SLX4IP: variants seen among roughly 807,000 people sequenced by gnomAD.
SLX4IP encodes SLX4 interacting protein.
In SLX4IP, 34 loss-of-function variants were observed where a neutral mutation model predicts 32.9. That is an observed-to-expected ratio of 1.03 (90% CI 0.79 to 1.38). The LOEUF (loss-of-function observed/expected upper bound fraction) is 1.38. Among genes scored for constraint, SLX4IP ranks in the 40% most tolerant of loss-of-function variants. The probability of loss-of-function intolerance (pLI) is 0.00; values close to 1 mark genes in which losing one functional copy is unlikely to be tolerated. For synonymous variants in SLX4IP, 172 were observed against 171.7 expected, an observed-to-expected ratio of 1.00 and a Z score of -0.01; for missense variants, 444 against 479.0, an observed-to-expected ratio of 0.93 and a Z score of 0.68.
intron 6 of SLX4IP, among the ~76,000 whole-genome samples, chr20:10,605,533 A>G (rs1322152641): frequency 5.9e-5 from 9 of 152,220 alleles, no homozygotes. Flanking sequence ...TCAGAAGGAA[A>G]GTCCAAAATC....
intron 1 of SLX4IP, among the ~76,000 whole-genome samples, chr20:10,439,847 C>T (rs2065146043): frequency 6.6e-6 from 1 of 152,156 alleles, no homozygotes; most frequent in Admixed American, 6.5e-5. Flanking sequence ...AAAGCCAACC[C>T]TATAATTTCA....
chr20:10,438,942 A>C (rs1341812619), intron 1 of SLX4IP, among the ~76,000 whole-genome samples: 1 of 151,188 alleles, frequency 6.6e-6, no homozygotes, highest in Non-Finnish European at 1.5e-5. Flanking sequence ...TCCTGGTCTC[A>C]AGCAATCCTG....
At chr20:10,479,612 G>C (rs1180006077) in intron 2 of SLX4IP, among the ~76,000 whole-genome samples, 2 of 131,582 alleles carry the variant, frequency 1.5e-5, no homozygotes, top group African/African-American at 5.7e-5. Context: ...GGCTCCCAAA[G>C]TCCTGGGATT....
At chr20:10,552,544 G>T (rs189576730) in intron 2 of SLX4IP, among the ~76,000 whole-genome samples, 99 of 152,224 alleles carry the variant, frequency 6.5e-4, no homozygotes, top group African/African-American at 2.4e-3. Context: ...GCTGCAGAGG[G>T]AGAGCCCCCT....
chr20:10,504,322 CCTGAAAATACAGGAAGAACCACCCT>C, intron 2 of SLX4IP, among the ~76,000 whole-genome samples: 1 of 152,090 alleles, frequency 6.6e-6, no homozygotes, highest in Non-Finnish European at 1.5e-5. Flanking sequence ...TAGAGAATGC[CCTGAAAATACAGGAAGAACCACCCT>C]CCTGCAGATG....
intron 2 of SLX4IP, among the ~76,000 whole-genome samples, chr20:10,550,334 C>T (rs934172503): frequency 3.0e-4 from 45 of 152,318 alleles, no homozygotes; most frequent in African/African-American, 1.0e-3. Context: ...TGTGGCTTCT[C>T]AGCGACAGAC....
At chr20:10,550,797 C>G (rs1286139883) in intron 2 of SLX4IP, among the ~76,000 whole-genome samples, 2 of 152,244 alleles carry the variant, frequency 1.3e-5, no homozygotes, top group African/African-American at 4.8e-5. Context: ...CTTCTGCACT[C>G]CTTTCCCTGT....
intron 2 of SLX4IP, among the ~76,000 whole-genome samples, chr20:10,493,098 CT>C (rs1430068158): frequency 6.6e-6 from 1 of 152,148 alleles, no homozygotes; most frequent in Non-Finnish European, 1.5e-5. Context: ...GCCACTGCCC[CT>C]GGTGGTATGT....
At chr20:10,600,044 A>AT (rs199815413) in intron 5 of SLX4IP, among the ~76,000 whole-genome samples, 3,496 of 151,218 alleles carry the variant, frequency 0.023, 103 homozygotes, top group African/African-American at 0.069. Flanking sequence ...CAATTTTATG[A>AT]TTTTTTTAGG....
At chr20:10,601,037 A>G (rs1337931991) in intron 5 of SLX4IP, among the ~76,000 whole-genome samples, 1 of 152,198 alleles carries the variant, frequency 6.6e-6, no homozygotes, top group Non-Finnish European at 1.5e-5. Context: ...CCTTCCTTTC[A>G]TTGAATGCCG....
At chr20:10,478,965 G>A (rs10485740) in intron 2 of SLX4IP, among the ~76,000 whole-genome samples, 4,630 of 152,306 alleles carry the variant, frequency 0.03, 197 homozygotes, top group African/African-American at 0.092. Flanking sequence ...AGAAAAAGGC[G>A]TATTACCTCT....
intron 2 of SLX4IP, among the ~76,000 whole-genome samples, chr20:10,548,205 A>G (rs1468958844): frequency 6.6e-6 from 1 of 151,988 alleles, no homozygotes; most frequent in Non-Finnish European, 1.5e-5. Flanking sequence ...GCACCAGGAC[A>G]TTCTCCTATT....
chr20:10,523,046 T>TG (rs1454315788), intron 2 of SLX4IP, among the ~76,000 whole-genome samples: 3 of 152,162 alleles, frequency 2.0e-5, no homozygotes, highest in African/African-American at 7.2e-5. Flanking sequence ...TCCCTGCCTT[T>TG]GCTTGACCTG....
intron 4 of SLX4IP, among the ~76,000 whole-genome samples, chr20:10,569,913 CA>C (rs2066442876): frequency 6.6e-6 from 1 of 152,180 alleles, no homozygotes; most frequent in Non-Finnish European, 1.5e-5. Flanking sequence ...ACCTAATCTC[CA>C]AATATAGTCA....
intron 2 of SLX4IP, among the ~76,000 whole-genome samples, chr20:10,552,569 T>G (rs2066228409): frequency 6.6e-6 from 1 of 152,116 alleles, no homozygotes; most frequent in Non-Finnish European, 1.5e-5. Context: ...GGGAGGGGAC[T>G]GCCTGCCAAA....
intron 1 of SLX4IP, among the ~76,000 whole-genome samples, chr20:10,456,384 C>A (rs1197889551): frequency 1.3e-5 from 2 of 152,146 alleles, no homozygotes; most frequent in African/African-American, 4.8e-5. Flanking sequence ...CTCTGTCACC[C>A]AGGGTGGAGT....
intron 2 of SLX4IP, among the ~76,000 whole-genome samples, chr20:10,479,069 G>A (rs77029229): frequency 0.03 from 4,615 of 152,292 alleles, 196 homozygotes; most frequent in African/African-American, 0.092. Context: ...GCCCAGATTC[G>A]GGACTGGCAT....
Position 10,601,730 on chromosome 20 carries a change from G to T in SLX4IP, c.317-1G>T. On this transcript the variant is annotated splice_acceptor_variant, in intron 5 of 7. Coordinates refer to ENST00000334534, the MANE Select transcript of SLX4IP (RefSeq NM_001009608.3). LOFTEE classifies it high-confidence loss of function. Reference sequence around the variant, plus strand: ...AACTTGTTTTTCTTCATTTTATACAGAACTCTGTGTATTCCCTGACAGATT... The same window carrying T: ...AACTTGTTTTTCTTCATTTTATACATAACTCTGTGTATTCCCTGACAGATT... The T allele has an allele frequency of 6.2e-7, 1 of 1,613,308 alleles. No individual in the cohort carries two copies. The highest frequency in any genetic ancestry group is 1.1e-5 in the South Asian group (1 of 91,030).
At chr20:10,465,330 C>G (rs888279239) in intron 2 of SLX4IP, among the ~76,000 whole-genome samples, 3 of 151,992 alleles carry the variant, frequency 2.0e-5, no homozygotes, top group South Asian at 2.1e-4. Flanking sequence ...AATGTTTTAC[C>G]GGAATCCAGC....
Sources: gnomAD v4.1 joint callset for allele counts (sites outside exome capture counted in the v4.1 genomes callset) on GRCh38, gnomAD v4.1.1 for gene constraint, MANE v1.5 for transcripts, NCBI Gene and HGNC (gene_info 2026-07-23, HGNC 2026-07-21) for gene names.